Variants in PCBD2 observed in about 807,000 individuals in gnomAD.
PCBD2 encodes pterin-4 alpha-carbinolamine dehydratase 2.
Under a neutral mutation model 16.4 loss-of-function variants are expected in PCBD2, and 12 were observed. The ratio of observed to expected loss-of-function variants is 0.73; its 90% confidence interval spans 0.47 to 1.19. PCBD2 has a LOEUF of 1.19. Ranked by LOEUF, PCBD2 falls within the 50% of genes most tolerant of loss-of-function variation. The pLI is 0.00. For missense variants in PCBD2, 138 were observed against 156.8 expected, an observed-to-expected ratio of 0.88 and a Z score of 0.64; for synonymous variants, 58 against 61.8, an observed-to-expected ratio of 0.94 and a Z score of 0.29.
intron 2 of PCBD2, among the ~76,000 whole-genome samples, chr5:134,941,111 T>A (rs1751222234): frequency 8.4e-6 from 1 of 119,086 alleles, no homozygotes. Flanking sequence ...CGAGAGTCCA[T>A]CTCAAGGAAA....
At chr5:134,910,598 G>GTGA in intron 2 of PCBD2, 132 bp downstream of exon 2, 1 of 1,140,926 alleles carries the variant, frequency 8.8e-7, no homozygotes. Context: ...TAAGAATTCA[G>GTGA]TGATAGAGTG....
intron 1 of PCBD2, chr5:134,905,534 T>A (rs189693833): frequency 3.7e-6 from 1 of 271,300 alleles, no homozygotes; most frequent in Admixed American, 5.4e-5. Flanking sequence ...TGAAAAGTAG[T>A]TGCAGAACAA....
chr5:134,934,992 G>A (rs895800245), intron 2 of PCBD2, among the ~76,000 whole-genome samples: 2 of 152,130 alleles, frequency 1.3e-5, no homozygotes, highest in African/African-American at 4.8e-5. Context: ...TCACTCCATT[G>A]TTAAGTTTTA....
Position 134,906,194 on chromosome 5 carries a change from A to ATTTTTTTTTTT in PCBD2, c.84+988_84+998dup, listed in dbSNP as rs1158334317. ...TGGCCTGAAATTCTTTAATAGAAGA[A>ATTTTTTTTTTT]TTTTTTTTTTTTTTTTTTTTTTTTT... On this transcript the variant is annotated intron_variant, in intron 1 of 3. Coordinates refer to ENST00000254908, the MANE Select transcript of PCBD2 (RefSeq NM_032151.5). Among the ~76,000 whole-genome samples the ATTTTTTTTTTT allele has an allele frequency of 8.0e-3, 534 of 66,516 alleles. 50 individuals are homozygous for ATTTTTTTTTTT. The highest frequency in any genetic ancestry group is 0.026 in the African/African-American group (383 of 14,658). 43.6% of individuals were successfully genotyped at this position (66,516 alleles called of 152,430 possible).
At chr5:134,934,557 T>C (rs991966555) in intron 2 of PCBD2, among the ~76,000 whole-genome samples, 3 of 152,264 alleles carry the variant, frequency 2.0e-5, no homozygotes, top group African/African-American at 7.2e-5. Flanking sequence ...ACGGTATTCA[T>C]AACTGTCTTA....
chr5:134,908,472 C>T (rs1162594013), intron 1 of PCBD2, among the ~76,000 whole-genome samples: 1 of 152,026 alleles, frequency 6.6e-6, no homozygotes, highest in Non-Finnish European at 1.5e-5. Context: ...TGCAACTAGC[C>T]TAGCCAACAT....
chr5:134,924,419 A>G (rs140066881), intron 2 of PCBD2: 2 of 396,504 alleles, frequency 5.0e-6, no homozygotes, highest in Non-Finnish European at 8.9e-6. Context: ...TGGTGATGGA[A>G]GTAGGATTAG....
At chr5:134,934,264 T>C (rs985090023) in intron 2 of PCBD2, among the ~76,000 whole-genome samples, 3 of 151,884 alleles carry the variant, frequency 2.0e-5, no homozygotes, top group African/African-American at 2.4e-5. Flanking sequence ...TAATTACTTA[T>C]AATGATTTTA....
chr5:134,915,989 A>G (rs1186644837), intron 2 of PCBD2, among the ~76,000 whole-genome samples: 3 of 151,872 alleles, frequency 2.0e-5, no homozygotes, highest in African/African-American at 4.8e-5. Flanking sequence ...GTGGTGTCAT[A>G]TTGGAAAAAA....
intron 2 of PCBD2, among the ~76,000 whole-genome samples, chr5:134,943,832 A>G (rs571318626): frequency 2.0e-5 from 3 of 152,270 alleles, no homozygotes; most frequent in South Asian, 4.1e-4. Flanking sequence ...GAGGGATCCT[A>G]TTTTACACTG....
chr5:134,930,889 A>C (rs1751084805), intron 2 of PCBD2, among the ~76,000 whole-genome samples: 1 of 151,908 alleles, frequency 6.6e-6, no homozygotes. Flanking sequence ...TTCTGTGACC[A>C]CTGGTCCAGC....
At position 134,934,395 on chromosome 5, in the gene PCBD2, C is replaced by T. The variant is rs75547281; in HGVS notation, c.216+23929C>T. Reference sequence around the variant, plus strand: ...TGGAGAGTGGCTGCTGCTTAGAGATCAGTAATTGTTACATCATGGTTTGGT... The same window carrying T: ...TGGAGAGTGGCTGCTGCTTAGAGATTAGTAATTGTTACATCATGGTTTGGT... On this transcript the variant is annotated intron_variant, in intron 2 of 3. Transcript: ENST00000254908. Among the ~76,000 whole-genome samples the T allele has an allele frequency of 8.1e-3, 1,239 of 152,218 alleles. 9 individuals carry two copies. The highest frequency in any genetic ancestry group is 0.037 in the Middle Eastern group (11 of 294).
intron 2 of PCBD2, chr5:134,925,021 A>T (rs182133130): frequency 2.5e-6 from 1 of 394,684 alleles, no homozygotes; most frequent in Non-Finnish European, 4.5e-6. Flanking sequence ...TGGGATTGTC[A>T]TTTGGGGGGT....
At chr5:134,946,547 G>C (rs552402329) in intron 2 of PCBD2, among the ~76,000 whole-genome samples, 1 of 152,102 alleles carries the variant, frequency 6.6e-6, no homozygotes, top group Admixed American at 6.6e-5. Flanking sequence ...TTTTAAAAGG[G>C]GAATGGATTC....
intron 2 of PCBD2, among the ~76,000 whole-genome samples, chr5:134,955,148 A>T (rs1751400559): frequency 6.6e-6 from 1 of 151,292 alleles, no homozygotes; most frequent in African/African-American, 2.4e-5. Flanking sequence ...TATATATATG[A>T]TTGAAATATT....
At chr5:134,925,882 G>A (rs563406472) in intron 2 of PCBD2, 11 of 393,378 alleles carry the variant, frequency 2.8e-5, no homozygotes, top group Admixed American at 4.4e-5. Context: ...TCATGAGTTG[G>A]AGTGTAGGAG....
intron 1 of PCBD2, among the ~76,000 whole-genome samples, chr5:134,909,599 A>G (rs1238788400): frequency 6.6e-6 from 1 of 152,176 alleles, no homozygotes; most frequent in Non-Finnish European, 1.5e-5. Context: ...TAGAGATATA[A>G]CAGAGAGTAG....
intron 2 of PCBD2, among the ~76,000 whole-genome samples, chr5:134,911,824 G>A (rs946767604): frequency 2.6e-5 from 4 of 152,214 alleles, no homozygotes; most frequent in South Asian, 2.1e-4. Context: ...GCTGCCCCAC[G>A]TGCTCAACAG....
Position 134,915,047 on chromosome 5 carries a change from T to G in PCBD2, c.216+4581T>G, listed in dbSNP as rs555236546. Among the ~76,000 whole-genome samples, 4 of 152,268 alleles carry G rather than the reference T, an allele frequency of 2.6e-5. No individual in the cohort carries two copies. The South Asian group carries it at 6.2e-4, about 24-fold the overall frequency. ...ACTCACATACCAGAGCCGGGCGCGG[T>G]GGCTCACATCTGTAATCCCAGCACT... On this transcript the variant is annotated intron_variant, in intron 2 of 3. Coordinates refer to ENST00000254908, the MANE Select transcript of PCBD2 (RefSeq NM_032151.5).
Sources: gnomAD v4.1 joint callset for allele counts (sites outside exome capture counted in the v4.1 genomes callset) on GRCh38, gnomAD v4.1.1 for gene constraint, MANE v1.5 for transcripts, NCBI Gene and HGNC (gene_info 2026-07-23, HGNC 2026-07-21) for gene names.